MYO16: variants seen among roughly 807,000 people sequenced by gnomAD.
The protein encoded by MYO16 is unconventional myosin-XVI.
MYO16 carries 94 observed loss-of-function variants against 205.3 expected under a neutral mutation model. The observed-to-expected ratio is 0.46, with a 90% CI of 0.39 to 0.54. The LOEUF is 0.54. Among genes scored for constraint, MYO16 ranks in the 20% least tolerant of loss-of-function variants. The pLI is 0.00. For missense variants in MYO16, 2,315 were observed against 2,387.5 expected (o/e 0.97, Z 0.63); for synonymous variants, 988 against 954.0 (o/e 1.04, Z -0.66).
chr13:108,516,861 T>C, the MYO16 span, among the ~76,000 whole-genome samples: 1 of 152,160 alleles, frequency 6.6e-6, no homozygotes, highest in Admixed American at 6.5e-5. Context: ...TACCAGAATG[T>C]ATTTAATCAT....
intron 7 of MYO16, among the ~76,000 whole-genome samples, chr13:108,807,197 T>C (rs1197669224): frequency 3.3e-5 from 5 of 152,210 alleles, no homozygotes; most frequent in Non-Finnish European, 7.3e-5. Context: ...TTACACTATA[T>C]GGAGATTTAA....
intron 4 of MYO16, among the ~76,000 whole-genome samples, chr13:108,774,517 A>C (rs934181031): frequency 6.6e-6 from 1 of 152,062 alleles, no homozygotes; most frequent in African/African-American, 2.4e-5. Context: ...ACATTGATTA[A>C]TTTTATTTCT....
chr13:109,140,586 G>T lies in MYO16; in HGVS notation c.4374G>T (p.Lys1458Asn). 2 of 1,529,270 alleles carry T rather than the reference G, an allele frequency of 1.3e-6. No homozygotes were observed. Among genetic ancestry groups the T allele is most frequent in the Non-Finnish European group, 8.7e-7 (1 of 1,144,574 alleles). The allele number at this position is 1,529,270 out of a possible 1,614,324, so 94.7% of individuals were successfully genotyped here. ...GGGAGTCCGTGTACGAGGAGATGAA[G>T]TGTTGCCTGCCCGACGACGGCGGCC... is the stretch of plus-strand genomic sequence containing the variant. ...DPGESVYEEM[K>N]CCLPDDGGPG... The change falls in exon 32 of 35, where the codon AAG becomes AAT. Residue 1458 changes from lysine (K) to asparagine (N), a missense_variant. Lys to Asn is a moderately conservative substitution (Grantham distance 94, BLOSUM62 0). This residue lies in a region of MYO16 where 1,097 missense variants were observed against 1,092.0 expected (regional missense o/e 1.00). Coordinates refer to ENST00000457511, the MANE Select transcript of MYO16 (RefSeq NM_001198950.3). The surrounding 1 kb of genome is among the most constrained non-coding windows in gnomAD (Gnocchi z 8.0).
intron 20 of MYO16, among the ~76,000 whole-genome samples, chr13:108,976,533 G>A (rs922113499): frequency 6.6e-6 from 1 of 152,028 alleles, no homozygotes; most frequent in South Asian, 2.1e-4. Flanking sequence ...CAAACCAAAG[G>A]ATATGTGTAA....
chr13:108,853,569 CTTG>C (rs1340588263), intron 10 of MYO16, among the ~76,000 whole-genome samples: 4 of 146,720 alleles, frequency 2.7e-5, no homozygotes, highest in Non-Finnish European at 6.0e-5. Context: ...AGGGTACAGG[CTTG>C]TTGTTGATAT....
At chr13:109,157,363 C>G (rs779009014) in intron 32 of MYO16, among the ~76,000 whole-genome samples, 2 of 152,126 alleles carry the variant, frequency 1.3e-5, no homozygotes, top group African/African-American at 4.8e-5. Flanking sequence ...TCCCACTTCC[C>G]GGTGCGGAGG....
intron 13 of MYO16, chr13:108,886,543 T>C (rs1302566354): frequency 4.4e-6 from 2 of 454,944 alleles, no homozygotes; most frequent in African/African-American, 4.0e-5. Context: ...GGTGCCCCCT[T>C]CTCAGTTGAA....
In MYO16 at chr13:108,650,071, G is replaced by A. The variant is rs551037690; in HGVS notation, c.29-15815G>A. 4.0e-4 allele frequency among the ~76,000 whole-genome samples: 61 copies of A among 152,036 alleles called. 1 individual carries two copies. Among genetic ancestry groups the A allele is most frequent in the African/African-American group, 1.3e-3 (54 of 41,504 alleles). On this transcript the variant is annotated intron_variant, in intron 1 of 34. Transcript: ENST00000457511. The stretch of plus-strand genomic sequence containing the variant: ...AATGTGAACTTTAGTTTTGTCTCAG[G>A]CCTTTTAGTACTGAAAATGTTTTAT...
chr13:109,152,240 T>C (rs1470035068), intron 32 of MYO16, among the ~76,000 whole-genome samples: 1 of 152,140 alleles, frequency 6.6e-6, no homozygotes, highest in African/African-American at 2.4e-5. Flanking sequence ...GCCTTTCGAG[T>C]AACTATTTCA....
At chr13:108,563,699 T>A in the MYO16 span, among the ~76,000 whole-genome samples, 2 of 152,208 alleles carry the variant, frequency 1.3e-5, no homozygotes, top group African/African-American at 4.8e-5. Context: ...TGAAGAGTAC[T>A]CCATTGTTTA....
At chr13:108,633,059 C>G (rs1345948513) in intron 1 of MYO16, among the ~76,000 whole-genome samples, 2 of 152,114 alleles carry the variant, frequency 1.3e-5, no homozygotes, top group Non-Finnish European at 2.9e-5. Context: ...GGGTTTGGGG[C>G]AGCATTGTTT....
At chr13:109,119,872 C>A (rs1207932086) in intron 28 of MYO16, among the ~76,000 whole-genome samples, 1 of 152,152 alleles carries the variant, frequency 6.6e-6, no homozygotes, top group Non-Finnish European at 1.5e-5. Context: ...TGCAGTTGTA[C>A]AAACATTTGA....
chr13:108,519,807 A>G, the MYO16 span, among the ~76,000 whole-genome samples: 1 of 152,162 alleles, frequency 6.6e-6, no homozygotes, highest in African/African-American at 2.4e-5. Context: ...TGAATCCTTT[A>G]TGTCTTGTTT....
chr13:108,917,022 ATGTGAGATG>A (rs1282216507), intron 16 of MYO16, among the ~76,000 whole-genome samples: 1 of 52 alleles, frequency 0.019, no homozygotes, highest in African/African-American at 0.045. Flanking sequence ...TGCCCCAGGA[ATGTGAGATG>A]CAGAAACTCG....
the MYO16 span, among the ~76,000 whole-genome samples, chr13:108,500,276 C>G: frequency 1.7e-5 from 2 of 117,218 alleles, no homozygotes; most frequent in South Asian, 6.2e-4. Context: ...GTCACCCTGG[C>G]TGGAGTGCAG....
intron 27 of MYO16, among the ~76,000 whole-genome samples, chr13:109,100,038 C>A (rs1221208699): frequency 6.6e-6 from 1 of 152,150 alleles, no homozygotes; most frequent in Non-Finnish European, 1.5e-5. Context: ...TAGATCTTTG[C>A]TCATTTCCTT....
intron 5 of MYO16, among the ~76,000 whole-genome samples, chr13:108,792,492 T>C (rs1240647972): frequency 6.7e-6 from 1 of 148,492 alleles, no homozygotes; most frequent in Non-Finnish European, 1.5e-5. Flanking sequence ...TTCATAGTTT[T>C]CCAGTTTTTA....
intron 10 of MYO16, among the ~76,000 whole-genome samples, chr13:108,851,551 C>G (rs1329662018): frequency 6.6e-6 from 1 of 152,136 alleles, no homozygotes; most frequent in African/African-American, 2.4e-5. Context: ...GTCTGTGATC[C>G]TGGACTGCGT....
chr13:109,199,192 G>GTATACA (rs1880290843), intron 34 of MYO16, among the ~76,000 whole-genome samples: 1 of 75,622 alleles, frequency 1.3e-5, no homozygotes, highest in Non-Finnish European at 2.5e-5. Flanking sequence ...AATAAAAAAG[G>GTATACA]TATATATATA....
Sources: allele counts gnomAD v4.1 joint callset (sites outside exome capture counted in the v4.1 genomes callset), GRCh38; gene constraint gnomAD v4.1.1; regional missense constraint gnomAD v4.1.1; non-coding constraint Gnocchi (gnomAD v3.1); transcripts MANE v1.5; gene names NCBI Gene and HGNC (gene_info 2026-07-23, HGNC 2026-07-21).